Variants in CNTNAP5 observed in about 807,000 individuals in gnomAD.
The protein encoded by CNTNAP5 is contactin associated protein family member 5, also known as contactin-associated protein-like 5.
CNTNAP5 carries 72 observed loss-of-function variants against 150.2 expected under a neutral mutation model. That is an observed-to-expected ratio of 0.48 (90% CI 0.40 to 0.58). The LOEUF (loss-of-function observed/expected upper bound fraction) is 0.58, where lower values mean the gene tolerates loss of function less well. CNTNAP5 is among the 20% of genes least tolerant of loss of function. CNTNAP5 has a pLI of 0.00. For missense variants in CNTNAP5, 1,636 were observed against 1,626.2 expected (o/e 1.01, Z -0.10); for synonymous variants, 672 against 619.8 (o/e 1.08, Z -1.25).
At chr2:124,120,609 C>T (rs78204503) in intron 1 of CNTNAP5, among the ~76,000 whole-genome samples, 2 of 152,106 alleles carry the variant, frequency 1.3e-5, no homozygotes, top group African/African-American at 2.4e-5. Flanking sequence ...TTCAACCTGT[C>T]CCAACCAACC....
intron 19 of CNTNAP5, among the ~76,000 whole-genome samples, chr2:124,804,653 C>T (rs1682044534): frequency 6.6e-6 from 1 of 152,102 alleles, no homozygotes; most frequent in South Asian, 2.1e-4. Flanking sequence ...GAGAAGGCGG[C>T]CATCCACAAG....
intron 7 of CNTNAP5, among the ~76,000 whole-genome samples, chr2:124,494,287 C>A (rs777755474): frequency 2.0e-5 from 3 of 151,968 alleles, no homozygotes; most frequent in Non-Finnish European, 2.9e-5. Flanking sequence ...GCCTGAGAAC[C>A]CAAGGGGGTG....
At chr2:124,101,876 T>C (rs558712358) in intron 1 of CNTNAP5, among the ~76,000 whole-genome samples, 1 of 152,320 alleles carries the variant, frequency 6.6e-6, no homozygotes, top group South Asian at 2.1e-4. Flanking sequence ...AAGGTTGATT[T>C]TATCAGACAT....
intron 3 of CNTNAP5, among the ~76,000 whole-genome samples, chr2:124,291,400 A>G (rs2104634328): frequency 6.6e-6 from 1 of 152,270 alleles, no homozygotes; most frequent in Middle Eastern, 3.4e-3. Context: ...TGCTATTACA[A>G]ATACTGGCAA....
At chr2:124,408,872 C>A (rs1405661442) in intron 3 of CNTNAP5, among the ~76,000 whole-genome samples, 1 of 152,120 alleles carries the variant, frequency 6.6e-6, no homozygotes, top group African/African-American at 2.4e-5. Flanking sequence ...AGCAACGGAA[C>A]AAAGCTGGAT....
chr2:124,119,938 T>A (rs1349201810), intron 1 of CNTNAP5, among the ~76,000 whole-genome samples: 2 of 152,206 alleles, frequency 1.3e-5, no homozygotes, highest in African/African-American at 4.8e-5. Flanking sequence ...GTTCTCAAAC[T>A]TGGAACCACC....
Position 124,511,516 on chromosome 2 carries a change from A to G in CNTNAP5, c.1327+6960A>G, listed in dbSNP as rs943674493. Among the ~76,000 whole-genome samples, 4 of 152,212 alleles carry G rather than the reference A, an allele frequency of 2.6e-5. No individual in the cohort carries two copies. In the East Asian group the frequency reaches 7.7e-4, roughly 29 times the overall value. On this transcript the variant is annotated intron_variant, in intron 8 of 23. Coordinates refer to ENST00000682447, the MANE Select transcript of CNTNAP5 (RefSeq NM_001367498.1). ...TACCTGTGCTCTAATCAGATGTAGG[A>G]CATGAGTAAGTCTTGTTCCGTTAGC...
At chr2:124,688,178 G>A (rs931728828) in intron 13 of CNTNAP5, among the ~76,000 whole-genome samples, 6 of 152,060 alleles carry the variant, frequency 3.9e-5, no homozygotes, top group Non-Finnish European at 7.4e-5. Flanking sequence ...CAACAAAGAC[G>A]GCAAGATTCT....
chr2:124,806,714 C>T (rs1682089492), intron 19 of CNTNAP5, among the ~76,000 whole-genome samples: 1 of 152,100 alleles, frequency 6.6e-6, no homozygotes, highest in Non-Finnish European at 1.5e-5. Context: ...AAGGAGTGCA[C>T]AAAGTGCCTT....
At chr2:124,369,746 A>C (rs1690471611) in intron 3 of CNTNAP5, among the ~76,000 whole-genome samples, 1 of 152,178 alleles carries the variant, frequency 6.6e-6, no homozygotes, top group Non-Finnish European at 1.5e-5. Flanking sequence ...TGCATATGTC[A>C]CATGTCTGTT....
chr2:124,290,951 G>A (rs1057512897), intron 3 of CNTNAP5, among the ~76,000 whole-genome samples: 7 of 151,590 alleles, frequency 4.6e-5, no homozygotes, highest in African/African-American at 1.7e-4. Context: ...TCCTCATAGA[G>A]TTGTTGTGAA....
chr2:124,192,826 AT>A (rs1341530421), intron 1 of CNTNAP5, among the ~76,000 whole-genome samples: 1 of 151,920 alleles, frequency 6.6e-6, no homozygotes, highest in African/African-American at 2.4e-5. Flanking sequence ...GTCTTGCTGT[AT>A]TTTTTTCTTT....
intron 1 of CNTNAP5, among the ~76,000 whole-genome samples, chr2:124,068,662 A>G (rs1682223588): frequency 6.6e-6 from 1 of 151,656 alleles, no homozygotes; most frequent in African/African-American, 2.4e-5. Flanking sequence ...CTCCTTCAAC[A>G]CCAGGTAGCA....
chr2:124,775,690 G>A (rs531756144), intron 17 of CNTNAP5, among the ~76,000 whole-genome samples: 1 of 152,236 alleles, frequency 6.6e-6, no homozygotes, highest in Admixed American at 6.5e-5. Flanking sequence ...TTTAACTTCA[G>A]GCTGTTATAT....
intron 11 of CNTNAP5, among the ~76,000 whole-genome samples, chr2:124,574,722 A>G (rs762953902): frequency 6.6e-6 from 1 of 152,230 alleles, no homozygotes; most frequent in Non-Finnish European, 1.5e-5. Flanking sequence ...ATTTATCAGT[A>G]TTTTTTAAAA....
At chr2:124,072,017 A>G (rs1210949685) in intron 1 of CNTNAP5, among the ~76,000 whole-genome samples, 1 of 152,060 alleles carries the variant, frequency 6.6e-6, no homozygotes, top group Non-Finnish European at 1.5e-5. Context: ...ACAACAGATT[A>G]AAAAGATTAT....
intron 3 of CNTNAP5, among the ~76,000 whole-genome samples, chr2:124,246,108 T>G (rs1573864098): frequency 6.6e-6 from 1 of 152,176 alleles, no homozygotes; most frequent in South Asian, 2.1e-4. Flanking sequence ...AGATAATATA[T>G]AGTTTGTAGT....
intron 13 of CNTNAP5, among the ~76,000 whole-genome samples, chr2:124,672,964 A>G (rs1678854403): frequency 6.6e-6 from 1 of 152,180 alleles, no homozygotes; most frequent in African/African-American, 2.4e-5. Context: ...AATTACCCAG[A>G]ATGCATCACA....
At position 124,915,620 on chromosome 2, in the gene CNTNAP5, C is replaced by T. The variant is rs531512097; in HGVS notation, c.*1332C>T. ...TTTCAAATCTGCTATACCCTATATA[C>T]ATAAAGACCCTTCCAAACATCTTTT... On this transcript the variant is annotated 3_prime_UTR_variant, in exon 24 of 24. Transcript: ENST00000682447. 2.0e-5 allele frequency among the ~76,000 whole-genome samples: 3 copies of T among 152,170 alleles called. No homozygotes were observed. Among genetic ancestry groups the T allele is most frequent in the East Asian group, 1.9e-4 (1 of 5,140 alleles).
Sources: gnomAD v4.1 joint callset for allele counts (sites outside exome capture counted in the v4.1 genomes callset) on GRCh38, gnomAD v4.1.1 for gene constraint, MANE v1.5 for transcripts, NCBI Gene and HGNC (gene_info 2026-07-23, HGNC 2026-07-21) for gene names.